Variants in PPM1B observed in about 807,000 individuals in gnomAD.
PPM1B encodes protein phosphatase, Mg2+/Mn2+ dependent 1B.
PPM1B carries 22 observed loss-of-function variants against 43.0 expected under a neutral mutation model. The ratio of observed to expected loss-of-function variants is 0.51; its 90% CI spans 0.37 to 0.73. The LOEUF (loss-of-function observed/expected upper bound fraction) is 0.73. PPM1B is among the 30% of genes least tolerant of loss of function. PPM1B has a pLI of 0.00. For missense variants in PPM1B, 632 were observed against 584.2 expected (o/e 1.08, Z -0.84); for synonymous variants, 217 against 197.9 (o/e 1.10, Z -0.81).
downstream of PPM1B, among the ~76,000 whole-genome samples, chr2:44,235,184 C>A (rs956078869): frequency 9.9e-5 from 15 of 152,222 alleles, no homozygotes; most frequent in African/African-American, 3.6e-4. Context: ...GTCTGTCTTG[C>A]ATTTTGAATG....
At chr2:44,187,897 C>A (rs189748522) in intron 1 of PPM1B, among the ~76,000 whole-genome samples, 487 of 152,188 alleles carry the variant, frequency 3.2e-3, no homozygotes, top group African/African-American at 0.011. Flanking sequence ...CTTACAGGTG[C>A]CCGCCACCAT....
At chr2:44,233,202 A>G (rs1288264909), downstream of PPM1B, 12 of 925,816 alleles carry the variant, frequency 1.3e-5, no homozygotes, top group Non-Finnish European at 1.5e-5. Context: ...GTTTTGTGTA[A>G]TTTGGTATTT....
At chr2:44,202,613 A>C (rs1233361689) in intron 2 of PPM1B, among the ~76,000 whole-genome samples, 2 of 151,156 alleles carry the variant, frequency 1.3e-5, no homozygotes, top group Non-Finnish European at 2.9e-5. Context: ...TCTAAGTAAT[A>C]CATGACTTGG....
At chr2:44,192,234 T>TTGTATTGTAC (rs1668441828) in intron 1 of PPM1B, among the ~76,000 whole-genome samples, 1 of 150,086 alleles carries the variant, frequency 6.7e-6, no homozygotes, top group African/African-American at 2.5e-5. Flanking sequence ...TTGTATTGTA[T>TTGTATTGTAC]TGAGATGGAG....
At chr2:44,175,684 A>G (rs1667549635) in intron 1 of PPM1B, among the ~76,000 whole-genome samples, 1 of 152,216 alleles carries the variant, frequency 6.6e-6, no homozygotes, top group Non-Finnish European at 1.5e-5. Context: ...ACTATTTTTA[A>G]CAAAAGGAAA....
At chr2:44,231,876 A>G (rs79211345), downstream of PPM1B, among the ~76,000 whole-genome samples, 1,130 of 152,320 alleles carry the variant, frequency 7.4e-3, 11 homozygotes, top group African/African-American at 0.026. Context: ...TTTTTAAATT[A>G]TAGATTTGTC....
At position 44,218,095 on chromosome 2, in the gene PPM1B, G is replaced by C. The variant is rs1393735018; in HGVS notation, c.1076+17G>C. On this transcript the variant is annotated intron_variant, in intron 4 of 5. Coordinates refer to ENST00000282412, the MANE Select transcript of PPM1B (RefSeq NM_002706.6). Reference sequence around the variant, plus strand: ...TGCTGGCAAGTAAGTAGAACAAAAAGCTAATTTTGAGTTCGTTCATAATTA... The same window carrying C: ...TGCTGGCAAGTAAGTAGAACAAAAACCTAATTTTGAGTTCGTTCATAATTA... The C allele has an allele frequency of 6.4e-7, 1 of 1,566,376 alleles. No homozygotes were observed. The highest frequency in any genetic ancestry group is 1.7e-5 in the Admixed American group (1 of 58,956).
chr2:44,224,455 CAAAAAAAAAA>C (rs75767532), intron 5 of PPM1B, among the ~76,000 whole-genome samples: 3 of 84,666 alleles, frequency 3.5e-5, no homozygotes, highest in East Asian at 3.1e-4. Context: ...ACTCCGTCTC[CAAAAAAAAAA>C]AAAAAAAAAA....
downstream of PPM1B, chr2:44,233,818 T>C (rs1210557814): frequency 6.1e-6 from 6 of 985,742 alleles, no homozygotes; most frequent in East Asian, 6.8e-4. Flanking sequence ...ATTTATTCTT[T>C]AGATTTTAGC....
chr2:44,244,831 A>G, downstream of PPM1B, among the ~76,000 whole-genome samples: 1 of 146,796 alleles, frequency 6.8e-6, no homozygotes, highest in African/African-American at 2.5e-5. Context: ...ATATATATAT[A>G]TATATATACA....
At chr2:44,196,231 C>G (rs982667473) in intron 1 of PPM1B, among the ~76,000 whole-genome samples, 21 of 152,152 alleles carry the variant, frequency 1.4e-4, no homozygotes, top group African/African-American at 4.6e-4. Context: ...TCCTTAGGCC[C>G]CTGTTGGCTG....
intron 5 of PPM1B, among the ~76,000 whole-genome samples, chr2:44,219,595 G>A (rs1477585947): frequency 6.6e-6 from 1 of 151,998 alleles, no homozygotes; most frequent in East Asian, 1.9e-4. Context: ...TTATATCTTG[G>A]TCTAGAGCAG....
chr2:44,201,596 A>T lies in PPM1B; in HGVS notation c.397A>T (p.Thr133Ser). ...LRNGMDRSGS[T>S]AVGVMISPKH... Reference sequence around the variant, plus strand: ...AAACGGGATGGACAGGAGTGGTTCAACTGCAGTGGGAGTTATGATTTCACC... The same window carrying T: ...AAACGGGATGGACAGGAGTGGTTCATCTGCAGTGGGAGTTATGATTTCACC... The change falls in exon 2 of 6, where the codon ACT (threonine) becomes TCT (serine). Residue 133 changes from threonine to serine, a missense_variant. Transcript: ENST00000282412. The surrounding 1 kb of genome is among the most constrained non-coding windows in gnomAD (Gnocchi z 5.4). 1.2e-6 allele frequency: 2 copies of T among 1,614,186 alleles called. No homozygotes were observed. Among genetic ancestry groups the T allele is most frequent in the Non-Finnish European group, 1.7e-6 (2 of 1,180,034 alleles).
intron 5 of PPM1B, among the ~76,000 whole-genome samples, chr2:44,228,632 A>G (rs1256666045): frequency 1.3e-5 from 2 of 152,226 alleles, no homozygotes; most frequent in East Asian, 3.8e-4. Context: ...AACTGTATCA[A>G]TAACCTATTT....
chr2:44,205,091 G>A (rs770833741), intron 2 of PPM1B, among the ~76,000 whole-genome samples: 7 of 152,074 alleles, frequency 4.6e-5, no homozygotes, highest in Non-Finnish European at 1.0e-4. Flanking sequence ...TAACTGCCAC[G>A]TGCATAGCTT....
rs746598871 is a variant in PPM1B, at chr2:44,209,251, A to G, written c.888A>G (p.Ser296=). ...TGAGTATTGTACTAGTTTGCTTTTC[A>G]AATGCTCCCAAGGTCTCAGATGAAG... ...DNMSIVLVCF[S]NAPKVSDEAV... The change falls in exon 3 of 6, where the codon TCA becomes TCG. Residue 296 remains serine (S), a synonymous_variant. Transcript: ENST00000282412. 2 of 1,613,824 alleles carry G rather than the reference A, an allele frequency of 1.2e-6. No individual in the cohort carries two copies. Among genetic ancestry groups the G allele is most frequent in the South Asian group, 2.2e-5 (2 of 91,066 alleles).
At chr2:44,172,890 G>C (rs978268941) in intron 1 of PPM1B, among the ~76,000 whole-genome samples, 2 of 152,202 alleles carry the variant, frequency 1.3e-5, no homozygotes, top group Non-Finnish European at 2.9e-5. Flanking sequence ...CTGGATGACA[G>C]AGTGAAACCA....
At chr2:44,205,379 G>C (rs866872053) in intron 2 of PPM1B, among the ~76,000 whole-genome samples, 2 of 149,910 alleles carry the variant, frequency 1.3e-5, no homozygotes, top group African/African-American at 5.0e-5. Context: ...GTGTGTGTGT[G>C]TAAGTGTCTG....
intron 5 of PPM1B, chr2:44,229,850 CTTAAT>C (rs1340289197): frequency 2.0e-5 from 16 of 787,484 alleles, no homozygotes; most frequent in Middle Eastern, 7.8e-4. Context: ...ACTGAGAATA[CTTAAT>C]TTATTTTTAT....
Sources: allele counts gnomAD v4.1 joint callset (sites outside exome capture counted in the v4.1 genomes callset), GRCh38; gene constraint gnomAD v4.1.1; non-coding constraint Gnocchi (gnomAD v3.1); transcripts MANE v1.5; gene names NCBI Gene and HGNC (gene_info 2026-07-23, HGNC 2026-07-21).